The following PDSS2 variants were observed in gnomAD, a reference collection of about 807,000 sequenced individuals.
The protein encoded by PDSS2 is decaprenyl diphosphate synthase subunit 2.
A neutral mutation model predicts 44.5 loss-of-function variants in PDSS2; 31 were observed. That is an observed-to-expected ratio of 0.70 (90% CI 0.52 to 0.94). The LOEUF is 0.94. Among genes scored for constraint, PDSS2 ranks in the 40% least tolerant of loss-of-function variants. The pLI is 0.00. For synonymous variants in PDSS2, 157 were observed against 180.3 expected (o/e 0.87, Z 1.03); for missense variants, 452 against 482.2 (o/e 0.94, Z 0.59).
intron 7 of PDSS2, among the ~76,000 whole-genome samples, chr6:107,187,617 T>C (rs1392906718): frequency 6.6e-6 from 1 of 151,894 alleles, no homozygotes; most frequent in South Asian, 2.1e-4. Flanking sequence ...TGAGCCGAGA[T>C]TGTGCCATTG....
intron 4 of PDSS2, among the ~76,000 whole-genome samples, chr6:107,225,309 A>AT (rs896852594): frequency 6.7e-6 from 1 of 149,604 alleles, no homozygotes; most frequent in African/African-American, 2.5e-5. Flanking sequence ...AACAGCTGGG[A>AT]TTACAGATGT....
At chr6:107,317,837 G>C (rs1049068560) in intron 2 of PDSS2, among the ~76,000 whole-genome samples, 1 of 152,182 alleles carries the variant, frequency 6.6e-6, no homozygotes, top group African/African-American at 2.4e-5. Context: ...GTGGTCCCCA[G>C]TTTGGGGTAC....
At chr6:107,246,875 T>A (rs1401664015) in intron 3 of PDSS2, among the ~76,000 whole-genome samples, 2 of 152,228 alleles carry the variant, frequency 1.3e-5, no homozygotes, top group African/African-American at 4.8e-5. Context: ...TTATTTTTTT[T>A]AAATCACATT....
intron 1 of PDSS2, among the ~76,000 whole-genome samples, chr6:107,429,884 C>CA (rs1163895804): frequency 0.01 from 56 of 5,378 alleles, 2 homozygotes; most frequent in African/African-American, 0.015. Flanking sequence ...AACTTAGTCT[C>CA]AAAAAAAAAA....
At chr6:107,216,635 G>T (rs566408777) in intron 4 of PDSS2, among the ~76,000 whole-genome samples, 62 of 152,294 alleles carry the variant, frequency 4.1e-4, no homozygotes, top group African/African-American at 1.3e-3. Context: ...TTCAAAGATA[G>T]TAAGATCCAA....
chr6:107,389,681 A>G (rs1465364627), intron 1 of PDSS2, among the ~76,000 whole-genome samples: 2 of 152,028 alleles, frequency 1.3e-5, no homozygotes, highest in Non-Finnish European at 2.9e-5. Context: ...TTATAGAAAC[A>G]TGTGTATACA....
In PDSS2 at chr6:107,155,581, C is replaced by CTTT. The variant is rs398066143; in HGVS notation, c.1042-807_1042-805dup. The stretch of plus-strand genomic sequence containing the variant: ...CACATAGTATTAGATCTGAATGTTA[C>CTTT]TTTTTTTTTTTTTTTTTGAGACGGA... On this transcript the variant is annotated intron_variant, in intron 7 of 7. Coordinates refer to ENST00000369037, the MANE Select transcript of PDSS2 (RefSeq NM_020381.4). 6.6e-5 allele frequency among the ~76,000 whole-genome samples: 9 copies of CTTT among 136,688 alleles called. No homozygotes were observed. In the East Asian group the frequency reaches 6.6e-4, roughly 10 times the overall value. 89.7% of individuals were successfully genotyped at this position (136,688 alleles called of 152,430 possible).
intron 7 of PDSS2, among the ~76,000 whole-genome samples, chr6:107,168,661 G>C (rs1771444068): frequency 6.6e-6 from 1 of 150,968 alleles, no homozygotes; most frequent in Non-Finnish European, 1.5e-5. Context: ...AGCTCTTTTA[G>C]GGCAGGCCTG....
chr6:107,201,858 C>A (rs12200647), intron 6 of PDSS2, among the ~76,000 whole-genome samples: 2,327 of 152,238 alleles, frequency 0.015, 30 homozygotes, highest in Non-Finnish European at 0.026. Flanking sequence ...TGAAAGAATA[C>A]AATGAACACT....
At chr6:107,432,518 C>T (rs1031567174) in intron 1 of PDSS2, among the ~76,000 whole-genome samples, 21 of 152,152 alleles carry the variant, frequency 1.4e-4, no homozygotes, top group Non-Finnish European at 2.6e-4. Context: ...TGGCCAGGTA[C>T]GGTGGCTCAT....
chr6:107,452,161 T>C (rs1781887819), intron 1 of PDSS2, among the ~76,000 whole-genome samples: 1 of 152,144 alleles, frequency 6.6e-6, no homozygotes, highest in Non-Finnish European at 1.5e-5. Flanking sequence ...CCCTAGTAGC[T>C]GGGATTACAG....
intron 1 of PDSS2, among the ~76,000 whole-genome samples, chr6:107,337,374 T>C (rs994259820): frequency 5.9e-5 from 9 of 152,170 alleles, no homozygotes; most frequent in African/African-American, 2.2e-4. Flanking sequence ...TGCTATGTAG[T>C]GATGCTCCAT....
At chr6:107,387,082 C>G (rs1358231533) in intron 1 of PDSS2, among the ~76,000 whole-genome samples, 1 of 152,228 alleles carries the variant, frequency 6.6e-6, no homozygotes, top group Non-Finnish European at 1.5e-5. Context: ...TTCCACCAAC[C>G]TGTTGCACTC....
At chr6:107,179,713 T>A (rs1267486337) in intron 7 of PDSS2, among the ~76,000 whole-genome samples, 7 of 152,188 alleles carry the variant, frequency 4.6e-5, no homozygotes, top group Non-Finnish European at 8.8e-5. Flanking sequence ...AGTAATTCTG[T>A]TTGAAAACTG....
At chr6:107,430,879 T>C (rs1231161087) in intron 1 of PDSS2, among the ~76,000 whole-genome samples, 12 of 152,164 alleles carry the variant, frequency 7.9e-5, no homozygotes, top group Admixed American at 7.9e-4. Context: ...CAGCAATTTC[T>C]TCATCTTCCT....
At chr6:107,441,939 CA>C (rs1781522248) in intron 1 of PDSS2, among the ~76,000 whole-genome samples, 1 of 152,192 alleles carries the variant, frequency 6.6e-6, no homozygotes, top group South Asian at 2.1e-4. Context: ...GACCCCCTCT[CA>C]CAGGACTTTG....
intron 1 of PDSS2, among the ~76,000 whole-genome samples, chr6:107,440,702 G>A (rs571483754): frequency 6.6e-6 from 1 of 152,296 alleles, no homozygotes; most frequent in South Asian, 2.1e-4. Flanking sequence ...CATCATGCCA[G>A]AAAAAGCAAA....
chr6:107,390,522 T>C (rs923517878), intron 1 of PDSS2, among the ~76,000 whole-genome samples: 2 of 152,134 alleles, frequency 1.3e-5, no homozygotes, highest in African/African-American at 4.8e-5. Flanking sequence ...CTAAACGTAA[T>C]GTGGTATACT....
intron 2 of PDSS2, among the ~76,000 whole-genome samples, chr6:107,307,675 A>G (rs945034257): frequency 6.6e-6 from 1 of 152,074 alleles, no homozygotes; most frequent in Admixed American, 6.5e-5. Context: ...ACGTCTTTAT[A>G]TATTTCCACA....
Sources: allele counts gnomAD v4.1 joint callset (sites outside exome capture counted in the v4.1 genomes callset), GRCh38; gene constraint gnomAD v4.1.1; transcripts MANE v1.5; gene names NCBI Gene and HGNC (gene_info 2026-07-23, HGNC 2026-07-21).